MSH4: variants seen among roughly 807,000 people sequenced by gnomAD.
MSH4 encodes the protein mutS homolog 4, also known as mutS protein homolog 4.
In MSH4, 106 loss-of-function variants were observed where a neutral mutation model predicts 113.7. That is an observed-to-expected ratio of 0.93 (90% CI 0.80 to 1.10). MSH4 has a LOEUF of 1.10. Ranked by LOEUF, MSH4 falls within the 50% of genes least tolerant of loss-of-function variation. The probability of loss-of-function intolerance (pLI) is 0.00; values close to 1 mark genes in which losing one functional copy is unlikely to be tolerated. For missense variants in MSH4, 1,061 were observed against 1,093.7 expected (o/e 0.97, Z 0.42); for synonymous variants, 368 against 380.2 (o/e 0.97, Z 0.37).
intron 19 of MSH4, among the ~76,000 whole-genome samples, chr1:75,906,511 T>C (rs1286158765): frequency 0.014 from 2 of 148 alleles, 1 homozygote; most frequent in South Asian, 0.5. Context: ...ATATATAATA[T>C]ATAATATGTA....
Position 75,816,399 on chromosome 1 carries a change from C to A in MSH4, c.842C>A (p.Ala281Asp). Residue 281 changes from alanine to aspartate, a missense_variant, in exon 6 of 20, where the codon GCT becomes GAT. Ala to Asp is a moderately radical substitution (Grantham distance 126). Transcript: ENST00000263187. ...TATTACTGCCTTGCAGCTGTTGCAG[C>A]TTTGTTAAAATATGTTGAATTTATT... Reference protein sequence around the residue: ...SKYYCLAAVAALLKYVEFIQN... With the variant: ...SKYYCLAAVADLLKYVEFIQN... 6.2e-7 allele frequency: 1 copy of A among 1,605,188 alleles called. No homozygotes were observed. Among genetic ancestry groups the A allele is most frequent in the African/African-American group, 1.3e-5 (1 of 74,932 alleles).
chr1:75,801,947 T>A (rs71656852), intron 1 of MSH4, among the ~76,000 whole-genome samples: 10,896 of 151,892 alleles, frequency 0.072, 508 homozygotes, highest in African/African-American at 0.13. Context: ...GATGGGAAGA[T>A]CACTTGAGCC....
intron 15 of MSH4, among the ~76,000 whole-genome samples, chr1:75,885,076 C>A (rs1307900853): frequency 1.1e-4 from 7 of 61,182 alleles, no homozygotes; most frequent in African/African-American, 3.4e-4. Flanking sequence ...TATATATATA[C>A]CAGCCAGGAG....
chr1:75,844,661 G>A (rs1466255733), intron 7 of MSH4, among the ~76,000 whole-genome samples: 2 of 151,990 alleles, frequency 1.3e-5, no homozygotes, highest in African/African-American at 2.4e-5. Flanking sequence ...AAATACCTGG[G>A]GATATTTAAA....
At chr1:75,881,749 G>A (rs5745471) in intron 14 of MSH4, among the ~76,000 whole-genome samples, 7,153 of 152,070 alleles carry the variant, frequency 0.047, 207 homozygotes, top group African/African-American at 0.065. Flanking sequence ...TCCAGAGTGA[G>A]CATTTTAATC....
chr1:75,820,286 T>A (rs187922597), intron 6 of MSH4, among the ~76,000 whole-genome samples: 4 of 152,214 alleles, frequency 2.6e-5, no homozygotes, highest in Non-Finnish European at 5.9e-5. Flanking sequence ...AAAGTGTAGT[T>A]CATTGACCAA....
chr1:75,855,271 C>T (rs1196017463), intron 8 of MSH4, among the ~76,000 whole-genome samples: 1 of 152,108 alleles, frequency 6.6e-6, no homozygotes, highest in Non-Finnish European at 1.5e-5. Context: ...CTCCTGGGCT[C>T]AAGCAATCCT....
chr1:75,903,226 G>GTAA (rs1652548529), intron 19 of MSH4, among the ~76,000 whole-genome samples: 1 of 151,716 alleles, frequency 6.6e-6, no homozygotes. Context: ...TTTATATATG[G>GTAA]TAAGAAATAT....
intron 19 of MSH4, among the ~76,000 whole-genome samples, chr1:75,911,247 C>T (rs1195165659): frequency 6.6e-6 from 1 of 152,104 alleles, no homozygotes; most frequent in African/African-American, 2.4e-5. Flanking sequence ...CACTCGGTTT[C>T]ACGTAATCTA....
intron 19 of MSH4, among the ~76,000 whole-genome samples, chr1:75,906,022 G>T (rs2100594828): frequency 6.6e-6 from 1 of 151,680 alleles, no homozygotes; most frequent in African/African-American, 2.4e-5. Flanking sequence ...GCAGAGTTTT[G>T]CTCTGTCACC....
At chr1:75,842,564 C>A (rs1185856114) in intron 7 of MSH4, among the ~76,000 whole-genome samples, 8 of 152,152 alleles carry the variant, frequency 5.3e-5, no homozygotes. Context: ...TTATAATAAT[C>A]CTCACTCCAT....
chr1:75,830,154 G>A (rs1650650462), intron 7 of MSH4, among the ~76,000 whole-genome samples: 2 of 152,110 alleles, frequency 1.3e-5, no homozygotes. Flanking sequence ...ACAAGCTTCA[G>A]TAGCTGATTT....
chr1:75,895,780 GTTAGTGCTTTC>G (rs889471743), intron 17 of MSH4, among the ~76,000 whole-genome samples: 1 of 152,158 alleles, frequency 6.6e-6, no homozygotes, highest in African/African-American at 2.4e-5. Context: ...TGGAAAAGGG[GTTAGTGCTTTC>G]TCAGTTGTGC....
chr1:75,812,162 T>C (rs1650204846), intron 4 of MSH4, among the ~76,000 whole-genome samples: 1 of 152,200 alleles, frequency 6.6e-6, no homozygotes, highest in Non-Finnish European at 1.5e-5. Flanking sequence ...AGGAAATGTA[T>C]TGGCTTATGT....
chr1:75,901,463 A>G (rs1026545518), intron 19 of MSH4, among the ~76,000 whole-genome samples: 5 of 152,116 alleles, frequency 3.3e-5, no homozygotes, highest in African/African-American at 1.2e-4. Context: ...TTCTTTATCC[A>G]TGTTGCTACA....
Position 75,891,313 on chromosome 1 carries a change from T to G in MSH4, c.2355+489T>G, listed in dbSNP as rs576260877. Among the ~76,000 whole-genome samples, 60 of 152,296 alleles carry G rather than the reference T, an allele frequency of 3.9e-4. 1 individual carries two copies. The highest frequency in any genetic ancestry group is 1.4e-3 in the African/African-American group (59 of 41,566). On this transcript the variant is annotated intron_variant, in intron 17 of 19. Coordinates refer to ENST00000263187, the MANE Select transcript of MSH4 (RefSeq NM_002440.4). ...TTAAATTAATTTATAAAATATCTTT[T>G]TAAATGGTCACTCACAATATATACA... is the stretch of plus-strand genomic sequence containing the variant.
At chr1:75,912,116 A>G (rs1652800356) in intron 19 of MSH4, among the ~76,000 whole-genome samples, 1 of 152,068 alleles carries the variant, frequency 6.6e-6, no homozygotes, top group Non-Finnish European at 1.5e-5. Context: ...TTTATTTTTA[A>G]AATGTAATTT....
At chr1:75,902,701 A>AGTTCTT in intron 19 of MSH4, among the ~76,000 whole-genome samples, 1 of 27,778 alleles carries the variant, frequency 3.6e-5, no homozygotes. Context: ...ATATATATAT[A>AGTTCTT]TATATATATA....
intron 7 of MSH4, among the ~76,000 whole-genome samples, chr1:75,841,672 C>G (rs1331494948): frequency 6.6e-6 from 1 of 152,076 alleles, no homozygotes; most frequent in Non-Finnish European, 1.5e-5. Context: ...AGCTGACATT[C>G]TGAACCTAGA....
Sources: gnomAD v4.1 joint callset for allele counts (sites outside exome capture counted in the v4.1 genomes callset) on GRCh38, gnomAD v4.1.1 for gene constraint, MANE v1.5 for transcripts, NCBI Gene and HGNC (gene_info 2026-07-23, HGNC 2026-07-21) for gene names.